FRMD5: variants seen among roughly 807,000 people sequenced by gnomAD.
FRMD5 encodes the protein FERM domain containing 5.
Under a neutral mutation model 69.0 loss-of-function variants are expected in FRMD5, and 20 were observed. The ratio of observed to expected loss-of-function variants is 0.29; its 90% confidence interval spans 0.20 to 0.42. The LOEUF (loss-of-function observed/expected upper bound fraction) is 0.42, where lower values mean the gene tolerates loss of function less well. Among genes scored for constraint, FRMD5 ranks in the 10% least tolerant of loss-of-function variants. The pLI, the probability that FRMD5 is intolerant of heterozygous loss-of-function variation, is 1.00. For missense variants in FRMD5, 595 were observed against 708.6 expected (o/e 0.84, Z 1.82); for synonymous variants, 271 against 260.1 (o/e 1.04, Z -0.40).
At chr15:44,127,969 T>C (rs2077046011) in intron 1 of FRMD5, among the ~76,000 whole-genome samples, 1 of 152,238 alleles carries the variant, frequency 6.6e-6, no homozygotes, top group Non-Finnish European at 1.5e-5. Flanking sequence ...ATCTGGCTTT[T>C]CAACATTTTC....
intron 4 of FRMD5, among the ~76,000 whole-genome samples, chr15:43,910,420 A>G (rs954054732): frequency 6.6e-6 from 1 of 152,142 alleles, no homozygotes; most frequent in Non-Finnish European, 1.5e-5. Context: ...GGAAGAGTTC[A>G]GCCTCAACTT....
At chr15:44,179,878 A>G (rs376786003) in intron 1 of FRMD5, among the ~76,000 whole-genome samples, 4 of 152,268 alleles carry the variant, frequency 2.6e-5, no homozygotes, top group African/African-American at 9.6e-5. Context: ...ATCAGAGAGA[A>G]GTAAAACAAC....
At chr15:43,889,531 AAG>A (rs2140367683) in intron 8 of FRMD5, among the ~76,000 whole-genome samples, 1 of 152,326 alleles carries the variant, frequency 6.6e-6, no homozygotes, top group African/African-American at 2.4e-5. Context: ...GCTGCAGTAA[AAG>A]AGGCAAACAG....
intron 12 of FRMD5, 24 bp downstream of exon 12, chr15:43,884,703 G>A (rs201528357): frequency 7.2e-5 from 115 of 1,604,498 alleles, no homozygotes; most frequent in Non-Finnish European, 9.5e-5. Context: ...ACAACTGTTT[G>A]GGGGGAAGCC....
At chr15:43,989,970 G>C (rs1441143515) in intron 1 of FRMD5, 2 of 1,044,796 alleles carry the variant, frequency 1.9e-6, no homozygotes, top group East Asian at 5.0e-5. Flanking sequence ...TGTCCTGCTT[G>C]ATGGGGTACT....
intron 1 of FRMD5, among the ~76,000 whole-genome samples, chr15:43,970,582 C>T (rs1427232488): frequency 6.6e-6 from 1 of 152,160 alleles, no homozygotes; most frequent in Non-Finnish European, 1.5e-5. Context: ...TCCTGAGGAG[C>T]TGGGATTACA....
intron 1 of FRMD5, among the ~76,000 whole-genome samples, chr15:43,985,455 T>A (rs1011881104): frequency 6.6e-6 from 1 of 152,146 alleles, no homozygotes; most frequent in African/African-American, 2.4e-5. Context: ...TTGTCAGATC[T>A]AAACTTCTAG....
At chr15:43,910,441 T>G (rs931402912) in intron 4 of FRMD5, among the ~76,000 whole-genome samples, 1 of 151,960 alleles carries the variant, frequency 6.6e-6, no homozygotes, top group African/African-American at 2.4e-5. Flanking sequence ...ACCAAGAGAA[T>G]CTGTCCATAT....
chr15:43,987,615 T>C (rs1889458890), intron 1 of FRMD5, among the ~76,000 whole-genome samples: 1 of 152,184 alleles, frequency 6.6e-6, no homozygotes, highest in Admixed American at 6.5e-5. Flanking sequence ...AGTGGTGTGA[T>C]CTTGGCTCAC....
intron 5 of FRMD5, among the ~76,000 whole-genome samples, chr15:43,906,813 G>C (rs954699456): frequency 1.3e-5 from 2 of 148,970 alleles, no homozygotes; most frequent in African/African-American, 2.6e-5. Flanking sequence ...GTGTTAGCCA[G>C]GATGGTCTCG....
intron 1 of FRMD5, among the ~76,000 whole-genome samples, chr15:44,079,660 C>A (rs1487881952): frequency 2.0e-5 from 3 of 152,056 alleles, no homozygotes; most frequent in Admixed American, 6.6e-5. Context: ...ATTTGTACAC[C>A]CATGTTCATA....
At chr15:43,970,884 T>C (rs1566870565) in intron 1 of FRMD5, among the ~76,000 whole-genome samples, 2 of 152,124 alleles carry the variant, frequency 1.3e-5, no homozygotes, top group Non-Finnish European at 2.9e-5. Flanking sequence ...GAAATGAGAA[T>C]GTAAAAGATG....
rs76222615 is a variant in FRMD5, at chr15:43,987,171, G to C, written c.103-62862C>G. Among the ~76,000 whole-genome samples, 353 of 152,118 alleles carry C rather than the reference G, an allele frequency of 2.3e-3. 7 individuals are homozygous for C. The East Asian group carries it at 0.06, about 26-fold the overall frequency. The stretch of plus-strand genomic sequence containing the variant: ...TTAAGCCAATTAATAACCCTACTAC[G>C]GCCTCTAAGTGTTCAAGTGAAAGGA... On this transcript the variant is annotated intron_variant, in intron 1 of 13. Transcript: ENST00000417257.
Position 43,874,211 on chromosome 15 carries a change from C to T in FRMD5, c.1387G>A (p.Glu463Lys), listed in dbSNP as rs2088254040. Reference sequence around the variant, plus strand: ...TCTGTAGCAGTTGGGGTGCTGGCTTCAGATTCCTTCTCCTCCTCAATGCTG... The same window carrying T: ...TCTGTAGCAGTTGGGGTGCTGGCTTTAGATTCCTTCTCCTCCTCAATGCTG... Reference protein sequence around the residue: ...TCSIEEEKESEASTPTATEVE... With the variant: ...TCSIEEEKESKASTPTATEVE... Residue 463 changes from glutamate to lysine, a missense_variant, in exon 14 of 14, where the codon GAA becomes AAA. This residue lies in a region of FRMD5 where 245 missense variants were observed against 227.1 expected (regional missense o/e 1.08). Coordinates refer to ENST00000417257, the MANE Select transcript of FRMD5 (RefSeq NM_032892.5). 4 of 1,614,110 alleles carry T rather than the reference C, an allele frequency of 2.5e-6. No individual in the cohort carries two copies. The highest frequency in any genetic ancestry group is 3.4e-6 in the Non-Finnish European group (4 of 1,180,048).
chr15:44,058,362 T>C (rs1892952987), intron 1 of FRMD5, among the ~76,000 whole-genome samples: 1 of 152,012 alleles, frequency 6.6e-6, no homozygotes, highest in South Asian at 2.1e-4. Flanking sequence ...AACTGTGGAG[T>C]GACTGCTAAG....
chr15:44,143,085 C>T (rs2077297624), intron 1 of FRMD5, among the ~76,000 whole-genome samples: 2 of 151,486 alleles, frequency 1.3e-5, no homozygotes, highest in Admixed American at 6.6e-5. Context: ...CAGCGAGACT[C>T]CGTCTCAAAA....
intron 1 of FRMD5, among the ~76,000 whole-genome samples, chr15:44,144,652 GTATC>G (rs1373926695): frequency 6.6e-6 from 1 of 152,098 alleles, no homozygotes; most frequent in Admixed American, 6.5e-5. Context: ...TTAGAATACT[GTATC>G]TATTTAAAAC....
At chr15:44,140,880 CA>C (rs1203954176) in intron 1 of FRMD5, among the ~76,000 whole-genome samples, 3,771 of 32,030 alleles carry the variant, frequency 0.12, 39 homozygotes, top group African/African-American at 0.24. Context: ...GAGACTGTCT[CA>C]AAAAAAAAAA....
chr15:43,942,804 G>A (rs953438568), intron 1 of FRMD5, among the ~76,000 whole-genome samples: 2 of 152,302 alleles, frequency 1.3e-5, no homozygotes, highest in South Asian at 4.2e-4. Context: ...CTGTCACCCA[G>A]GCTGCAGTGC....
Sources: allele counts gnomAD v4.1 joint callset (sites outside exome capture counted in the v4.1 genomes callset), GRCh38; gene constraint gnomAD v4.1.1; regional missense constraint gnomAD v4.1.1; transcripts MANE v1.5; gene names NCBI Gene and HGNC (gene_info 2026-07-23, HGNC 2026-07-21).